MACROD2: variants seen among roughly 807,000 people sequenced by gnomAD.
MACROD2 encodes ADP-ribose glycohydrolase MACROD2.
Under a neutral mutation model 70.4 loss-of-function variants are expected in MACROD2, and 36 were observed. That is an observed-to-expected ratio of 0.51 (90% CI 0.39 to 0.68). The LOEUF (loss-of-function observed/expected upper bound fraction) is 0.68, where lower values mean the gene tolerates loss of function less well. Ranked by LOEUF, MACROD2 falls within the 30% of genes least tolerant of loss-of-function variation. The probability of loss-of-function intolerance (pLI) is 0.00; values close to 1 mark genes in which losing one functional copy is unlikely to be tolerated. For missense variants in MACROD2, 496 were observed against 538.4 expected, an observed-to-expected ratio of 0.92 and a Z score of 0.78; for synonymous variants, 172 against 178.8, an observed-to-expected ratio of 0.96 and a Z score of 0.30.
intron 3 of MACROD2, among the ~76,000 whole-genome samples, chr20:14,191,578 A>G (rs1050955456): frequency 4.6e-5 from 7 of 152,206 alleles, no homozygotes; most frequent in African/African-American, 1.2e-4. Context: ...GAAATAGAGA[A>G]GGGTAGAGGA....
intron 5 of MACROD2, among the ~76,000 whole-genome samples, chr20:14,784,048 A>G (rs1281077846): frequency 1.3e-5 from 2 of 152,114 alleles, no homozygotes. Context: ...CTGAGATGGT[A>G]AAGGCAGGGG....
chr20:14,050,089 A>G (rs1297502328), intron 2 of MACROD2, among the ~76,000 whole-genome samples: 8 of 145,746 alleles, frequency 5.5e-5, no homozygotes, highest in African/African-American at 2.0e-4. Flanking sequence ...TCCCATCTCA[A>G]AAAAAAAAAA....
chr20:14,511,515 T>G (rs1253036554), intron 4 of MACROD2, among the ~76,000 whole-genome samples: 1 of 152,090 alleles, frequency 6.6e-6, no homozygotes, highest in African/African-American at 2.4e-5. Context: ...TTTGGATATT[T>G]TACTCCTGAA....
At chr20:15,282,817 A>G (rs1224075214) in intron 6 of MACROD2, among the ~76,000 whole-genome samples, 1 of 152,126 alleles carries the variant, frequency 6.6e-6, no homozygotes, top group Non-Finnish European at 1.5e-5. Flanking sequence ...GGGTATCTTT[A>G]TTAGCAGTGC....
intron 3 of MACROD2, among the ~76,000 whole-genome samples, chr20:14,310,605 A>G (rs1459403374): frequency 6.6e-6 from 1 of 152,138 alleles, no homozygotes; most frequent in Non-Finnish European, 1.5e-5. Context: ...TAGTTTATGT[A>G]TTTACTATAC....
intron 8 of MACROD2, among the ~76,000 whole-genome samples, chr20:15,679,138 A>G (rs185210884): frequency 7.9e-5 from 12 of 151,848 alleles, no homozygotes; most frequent in Non-Finnish European, 1.6e-4. Flanking sequence ...TTGGGAGGCT[A>G]AGGCAGGAGA....
intron 2 of MACROD2, among the ~76,000 whole-genome samples, chr20:14,029,537 CA>C (rs1408937491): frequency 6.6e-6 from 1 of 152,030 alleles, no homozygotes; most frequent in Non-Finnish European, 1.5e-5. Context: ...CTGAAAGCAA[CA>C]ATTTGGAGCA....
intron 3 of MACROD2, among the ~76,000 whole-genome samples, chr20:14,146,241 C>T (rs1239278500): frequency 1.3e-5 from 2 of 152,114 alleles, no homozygotes; most frequent in Non-Finnish European, 2.9e-5. Flanking sequence ...ATGGCGTGAA[C>T]CTGGGAGGCG....
intron 3 of MACROD2, among the ~76,000 whole-genome samples, chr20:14,434,965 G>A (rs186398447): frequency 7.6e-4 from 116 of 152,188 alleles, no homozygotes; most frequent in Admixed American, 7.8e-4. Flanking sequence ...AACTACCCAC[G>A]TCAGTTTTCT....
In MACROD2 at chr20:15,037,642, A is replaced by G. The variant is rs532634966; in HGVS notation, c.419-192298A>G. On this transcript the variant is annotated intron_variant, in intron 5 of 17. Coordinates refer to ENST00000684519, the MANE Select transcript of MACROD2 (RefSeq NM_001351661.2). ...TTTGATTACTTTCTCTCTCTTTAAC[A>G]CTACCTCATGCCTTTACTTTTAACT... 7.3e-5 allele frequency among the ~76,000 whole-genome samples: 11 copies of G among 150,962 alleles called. No individual in the cohort carries two copies. In the East Asian group the frequency reaches 1.9e-3, roughly 27 times the overall value.
intron 8 of MACROD2, among the ~76,000 whole-genome samples, chr20:15,854,365 C>T (rs1024028764): frequency 3.3e-5 from 5 of 152,088 alleles, no homozygotes; most frequent in Non-Finnish European, 7.4e-5. Context: ...AAGATAAAAG[C>T]CATCCCTGGT....
chr20:15,319,974 C>CGAGGT (rs2077855897), intron 6 of MACROD2, among the ~76,000 whole-genome samples: 1 of 152,028 alleles, frequency 6.6e-6, no homozygotes, highest in Non-Finnish European at 1.5e-5. Context: ...TTTGGGAGAC[C>CGAGGT]GAGGTGGGCG....
At chr20:14,995,761 A>T (rs2074944014) in intron 5 of MACROD2, among the ~76,000 whole-genome samples, 1 of 152,158 alleles carries the variant, frequency 6.6e-6, no homozygotes, top group African/African-American at 2.4e-5. Flanking sequence ...GGACATTATA[A>T]AGTATTTTGA....
intron 5 of MACROD2, among the ~76,000 whole-genome samples, chr20:14,957,566 C>T (rs1396394665): frequency 6.6e-6 from 1 of 152,096 alleles, no homozygotes; most frequent in Non-Finnish European, 1.5e-5. Context: ...TTGGTAATGG[C>T]TGATGGCTGT....
chr20:14,169,894 A>G, intron 3 of MACROD2, among the ~76,000 whole-genome samples: 1 of 151,632 alleles, frequency 6.6e-6, no homozygotes, highest in Non-Finnish European at 1.5e-5. Flanking sequence ...AACCTCTGTT[A>G]ACTTTTTTTA....
intron 8 of MACROD2, among the ~76,000 whole-genome samples, chr20:15,829,449 T>C (rs1194069656): frequency 1.3e-5 from 2 of 152,098 alleles, no homozygotes; most frequent in African/African-American, 4.8e-5. Flanking sequence ...ACACAAATCA[T>C]TCATCCAGGC....
intron 5 of MACROD2, among the ~76,000 whole-genome samples, chr20:14,864,571 G>A (rs2073407332): frequency 6.6e-6 from 1 of 152,018 alleles, no homozygotes; most frequent in East Asian, 1.9e-4. Context: ...AACTAATACT[G>A]TGCGAACAAA....
intron 8 of MACROD2, among the ~76,000 whole-genome samples, chr20:15,807,616 A>G (rs1054504788): frequency 1.3e-5 from 2 of 152,204 alleles, no homozygotes; most frequent in Admixed American, 1.3e-4. Flanking sequence ...AAAAGAAGGT[A>G]AATTAGCTCA....
At chr20:15,097,876 G>A (rs2075845657) in intron 5 of MACROD2, among the ~76,000 whole-genome samples, 1 of 152,224 alleles carries the variant, frequency 6.6e-6, no homozygotes, top group Admixed American at 6.5e-5. Context: ...GTATCCAGAA[G>A]TCTTTGCAGG....
Sources: allele counts gnomAD v4.1 joint callset (sites outside exome capture counted in the v4.1 genomes callset), GRCh38; gene constraint gnomAD v4.1.1; transcripts MANE v1.5; gene names NCBI Gene and HGNC (gene_info 2026-07-23, HGNC 2026-07-21).